Variants in LDLRAD3 observed in about 807,000 individuals in gnomAD.
LDLRAD3 encodes the protein low-density lipoprotein receptor class A domain-containing protein 3.
Under a neutral mutation model 29.4 loss-of-function variants are expected in LDLRAD3, and 20 were observed. That is an observed-to-expected ratio of 0.68 (90% CI 0.48 to 0.99). The LOEUF (loss-of-function observed/expected upper bound fraction) is 0.99, where lower values mean the gene tolerates loss of function less well. LDLRAD3 is among the 50% of genes least tolerant of loss of function. LDLRAD3 has a pLI of 0.00. For missense variants in LDLRAD3, 420 were observed against 454.3 expected (o/e 0.92, Z 0.69); for synonymous variants, 157 against 192.7 (o/e 0.81, Z 1.53).
At chr11:35,958,792 G>C (rs1378113969) in intron 1 of LDLRAD3, among the ~76,000 whole-genome samples, 1 of 152,164 alleles carries the variant, frequency 6.6e-6, no homozygotes, top group East Asian at 1.9e-4. Flanking sequence ...CATTGAGATC[G>C]ATGGGAGAGT....
At chr11:35,973,614 G>A (rs942925068) in intron 1 of LDLRAD3, among the ~76,000 whole-genome samples, 24 of 151,548 alleles carry the variant, frequency 1.6e-4, no homozygotes, top group African/African-American at 5.4e-4. Context: ...ACAGGTGCAC[G>A]CCACCACGCC....
chr11:36,016,638 G>A (rs1055679676), intron 1 of LDLRAD3, among the ~76,000 whole-genome samples: 4 of 152,168 alleles, frequency 2.6e-5, no homozygotes, highest in Non-Finnish European at 4.4e-5. Flanking sequence ...AAGAAAAGAT[G>A]CCAATAGAAA....
intron 4 of LDLRAD3, among the ~76,000 whole-genome samples, chr11:36,101,440 C>T (rs533385644): frequency 6.6e-5 from 10 of 152,156 alleles, no homozygotes; most frequent in East Asian, 5.8e-4. Context: ...GATATTGCAC[C>T]GTATAGGTTT....
In LDLRAD3 at chr11:36,228,899, G is replaced by A. The variant is rs538248152; in HGVS notation, c.801-261G>A. Reference sequence around the variant, plus strand: ...GGTTGAGCCGAGGGACTTGGTGGGCGACCTCATTCTGGTTCTACCCAGAGG... The same window carrying A: ...GGTTGAGCCGAGGGACTTGGTGGGCAACCTCATTCTGGTTCTACCCAGAGG... On this transcript the variant is annotated intron_variant, in intron 5 of 5. Coordinates refer to ENST00000315571, the MANE Select transcript of LDLRAD3 (RefSeq NM_174902.4). Among the ~76,000 whole-genome samples the A allele has an allele frequency of 2.2e-4, 33 of 152,324 alleles. No homozygotes were observed. In the South Asian group the frequency reaches 2.3e-3, roughly 11 times the overall value.
intron 1 of LDLRAD3, chr11:35,966,913 A>T (rs947932870): frequency 6.5e-6 from 1 of 153,136 alleles, no homozygotes; most frequent in African/African-American, 2.4e-5. Flanking sequence ...ACCAAATTCT[A>T]TTCCTTTCTA....
chr11:36,142,844 A>G (rs1009198224), intron 4 of LDLRAD3, among the ~76,000 whole-genome samples: 21 of 152,206 alleles, frequency 1.4e-4, no homozygotes, highest in African/African-American at 5.1e-4. Context: ...TGATTTTTAA[A>G]TATTGAAGGA....
intron 4 of LDLRAD3, among the ~76,000 whole-genome samples, chr11:36,184,328 T>G (rs894288191): frequency 1.3e-5 from 2 of 152,198 alleles, no homozygotes; most frequent in Non-Finnish European, 2.9e-5. Flanking sequence ...TTGCTTTTAT[T>G]TCTTAATAAT....
At chr11:36,108,274 C>T (rs192973657) in intron 4 of LDLRAD3, among the ~76,000 whole-genome samples, 3 of 124,744 alleles carry the variant, frequency 2.4e-5, no homozygotes, top group African/African-American at 3.1e-5. Context: ...GAGCCGAGAT[C>T]GCGCCATTGC....
chr11:36,090,964 G>A (rs1274962882), intron 3 of LDLRAD3, among the ~76,000 whole-genome samples: 1 of 152,178 alleles, frequency 6.6e-6, no homozygotes, highest in Non-Finnish European at 1.5e-5. Context: ...TCAAGGCAGC[G>A]AGCATTTTCC....
chr11:35,960,987 A>G (rs1008983578), intron 1 of LDLRAD3, among the ~76,000 whole-genome samples: 4 of 152,180 alleles, frequency 2.6e-5, no homozygotes, highest in African/African-American at 9.7e-5. Context: ...TGAGGTGGAT[A>G]ATGGATGGGG....
chr11:36,071,491 T>G (rs531421328), intron 2 of LDLRAD3, among the ~76,000 whole-genome samples: 1 of 152,306 alleles, frequency 6.6e-6, no homozygotes, highest in South Asian at 2.1e-4. Context: ...TGTCCATCAG[T>G]AACGGGATTT....
intron 4 of LDLRAD3, among the ~76,000 whole-genome samples, chr11:36,159,102 A>C (rs946361153): frequency 2.0e-5 from 3 of 152,216 alleles, no homozygotes; most frequent in Non-Finnish European, 2.9e-5. Flanking sequence ...CTCAGATTTG[A>C]ATAGAAATGA....
At chr11:36,017,934 C>T (rs952376957) in intron 1 of LDLRAD3, among the ~76,000 whole-genome samples, 1 of 152,158 alleles carries the variant, frequency 6.6e-6, no homozygotes, top group Admixed American at 6.5e-5. Context: ...CTGGGTGCAC[C>T]AGTTTTGGCA....
At position 36,036,231 on chromosome 11, in the gene LDLRAD3, A is replaced by G. The variant is rs1443306719; in HGVS notation, c.175A>G (p.Ser59Gly). 6.8e-6 allele frequency: 11 copies of G among 1,613,846 alleles called. No homozygotes were observed. The highest frequency in any genetic ancestry group is 8.5e-6 in the Non-Finnish European group (10 of 1,179,946). ...CDGLPDCFDK[S>G]DEKECPKAKS... is the part of the protein sequence containing the mutation. ...CGGGCTGCCTGACTGCTTCGACAAG[A>G]GTGATGAGAAGGAGTGCCGTGAGTG... Residue 59 changes from serine to glycine, a missense_variant, in exon 2 of 6, where the codon AGT (serine) becomes GGT (glycine). Around this residue, in one of 3 missense-constraint regions of LDLRAD3, gnomAD observed 224 missense variants for 222.2 expected, o/e 1.01. Coordinates refer to ENST00000315571, the MANE Select transcript of LDLRAD3 (RefSeq NM_174902.4).
intron 4 of LDLRAD3, among the ~76,000 whole-genome samples, chr11:36,127,527 C>G (rs1853855434): frequency 6.6e-6 from 1 of 152,144 alleles, no homozygotes; most frequent in Admixed American, 6.5e-5. Context: ...AGGATTGGAA[C>G]ATAGTAGGTA....
intron 1 of LDLRAD3, among the ~76,000 whole-genome samples, chr11:35,982,550 T>C (rs1851554971): frequency 6.6e-6 from 1 of 152,174 alleles, no homozygotes. Context: ...CCATAACTAA[T>C]ATGTGCTAAT....
rs942078958 is a variant in LDLRAD3 at position 36,208,772 on chromosome 11, G to A, written c.455-18313G>A. On this transcript the variant is annotated intron_variant, in intron 4 of 5. Transcript: ENST00000315571. ...TAGAAGGAATCAAGGAAATAGGGGG[G>A]AAAAAACACCATGAGAACAACACAG... Among the ~76,000 whole-genome samples the A allele has an allele frequency of 9.3e-4, 141 of 151,976 alleles. 1 individual carries two copies. The highest frequency in any genetic ancestry group is 1.1e-3 in the Non-Finnish European group (78 of 67,992).
chr11:36,060,198 C>CA (rs1229856605), intron 2 of LDLRAD3, among the ~76,000 whole-genome samples: 24 of 151,806 alleles, frequency 1.6e-4, no homozygotes, highest in Admixed American at 1.0e-3. Context: ...ACTAAAAATA[C>CA]AAAAAACTAG....
At chr11:36,179,001 A>T (rs1854718211) in intron 4 of LDLRAD3, among the ~76,000 whole-genome samples, 1 of 152,188 alleles carries the variant, frequency 6.6e-6, no homozygotes, top group Non-Finnish European at 1.5e-5. Flanking sequence ...GCCGTCCTTA[A>T]TTGTGAACTG....
Sources: gnomAD v4.1 joint callset for allele counts (sites outside exome capture counted in the v4.1 genomes callset) on GRCh38, gnomAD v4.1.1 for gene constraint, gnomAD v4.1.1 regional missense constraint, MANE v1.5 for transcripts, NCBI Gene and HGNC (gene_info 2026-07-23, HGNC 2026-07-21) for gene names.